The following ARFIP1 variants were observed in gnomAD, a reference collection of about 807,000 sequenced individuals.
ARFIP1 encodes the protein arfaptin-1.
A neutral mutation model predicts 42.5 loss-of-function variants in ARFIP1; 24 were observed. The ratio of observed to expected loss-of-function variants is 0.57; its 90% CI spans 0.41 to 0.80. The LOEUF (loss-of-function observed/expected upper bound fraction) is 0.80. Ranked by LOEUF, ARFIP1 falls within the 30% of genes least tolerant of loss-of-function variation. The pLI is 0.00. For synonymous variants in ARFIP1, 141 were observed against 153.7 expected (o/e 0.92, Z 0.61); for missense variants, 354 against 434.0 (o/e 0.82, Z 1.64).
At chr4:152,877,453 C>G (rs1202811347) in intron 5 of ARFIP1, among the ~76,000 whole-genome samples, 2 of 152,162 alleles carry the variant, frequency 1.3e-5, no homozygotes, top group Non-Finnish European at 2.9e-5. Flanking sequence ...AATACCTGTA[C>G]CCCCATTGTA....
chr4:152,819,709 A>C (rs1376885977), intron 1 of ARFIP1, among the ~76,000 whole-genome samples: 3 of 152,156 alleles, frequency 2.0e-5, no homozygotes, highest in Non-Finnish European at 2.9e-5. Context: ...ACTTGGGGGA[A>C]GTTTCTTTCA....
chr4:152,812,585 T>A (rs1729556155), intron 1 of ARFIP1, among the ~76,000 whole-genome samples: 1 of 152,234 alleles, frequency 6.6e-6, no homozygotes, highest in Non-Finnish European at 1.5e-5. Context: ...AGTGATGATT[T>A]CCAGGTTTAT....
chr4:152,865,536 C>T (rs1004640057), intron 3 of ARFIP1, among the ~76,000 whole-genome samples: 12 of 152,156 alleles, frequency 7.9e-5, no homozygotes, highest in African/African-American at 1.9e-4. Context: ...TGGAAATAGA[C>T]GTTTAGGATA....
At chr4:152,875,378 TAAAAAAAAA>T (rs11302481) in intron 5 of ARFIP1, among the ~76,000 whole-genome samples, 3 of 100,162 alleles carry the variant, frequency 3.0e-5, no homozygotes. Context: ...TCTTTTTTTA[TAAAAAAAAA>T]AAAAAAAAAA....
intron 7 of ARFIP1, among the ~76,000 whole-genome samples, chr4:152,884,530 A>G (rs1390167794): frequency 2.0e-5 from 3 of 151,912 alleles, no homozygotes; most frequent in Admixed American, 1.3e-4. Flanking sequence ...AAAGATGGAT[A>G]TTGTTTTCTT....
chr4:152,888,528 G>T (rs2149897343), intron 8 of ARFIP1, among the ~76,000 whole-genome samples: 1 of 152,140 alleles, frequency 6.6e-6, no homozygotes, highest in East Asian at 1.9e-4. Context: ...TATAACACAT[G>T]GCAAAAAGTA....
chr4:152,785,653 G>T (rs1730759220), intron 1 of ARFIP1, among the ~76,000 whole-genome samples: 1 of 152,168 alleles, frequency 6.6e-6, no homozygotes, highest in African/African-American at 2.4e-5. Context: ...GCAGAAAATG[G>T]AAAGGATGTT....
chr4:152,830,193 C>A (rs993720797), intron 2 of ARFIP1, among the ~76,000 whole-genome samples: 3 of 152,006 alleles, frequency 2.0e-5, no homozygotes, highest in Non-Finnish European at 2.9e-5. Flanking sequence ...GTCTCTCAGT[C>A]GAAATTTAAT....
intron 1 of ARFIP1, among the ~76,000 whole-genome samples, chr4:152,795,612 C>T (rs1184281813): frequency 6.6e-6 from 1 of 152,084 alleles, no homozygotes; most frequent in Non-Finnish European, 1.5e-5. Flanking sequence ...TACCAACACT[C>T]TCTCTAGAAT....
chr4:152,906,764 A>G (rs1245212103), intron 8 of ARFIP1, among the ~76,000 whole-genome samples: 7 of 152,158 alleles, frequency 4.6e-5, no homozygotes, highest in Non-Finnish European at 1.0e-4. Context: ...GCAACCCATT[A>G]CCTGTCTTAC....
chr4:152,865,281 C>T (rs896243273), intron 3 of ARFIP1, among the ~76,000 whole-genome samples: 7 of 151,938 alleles, frequency 4.6e-5, no homozygotes, highest in Admixed American at 3.9e-4. Context: ...GGATTACAGG[C>T]GCCTGCCACC....
intron 2 of ARFIP1, among the ~76,000 whole-genome samples, chr4:152,848,361 C>G (rs752562783): frequency 6.6e-6 from 1 of 152,126 alleles, no homozygotes; most frequent in Non-Finnish European, 1.5e-5. Flanking sequence ...AGGACGAGGA[C>G]TAGAAACCAG....
intron 2 of ARFIP1, among the ~76,000 whole-genome samples, chr4:152,846,460 C>T (rs924388766): frequency 6.6e-6 from 1 of 152,178 alleles, no homozygotes; most frequent in Non-Finnish European, 1.5e-5. Flanking sequence ...GCCATGTGCT[C>T]TCTTAACCCG....
intron 1 of ARFIP1, among the ~76,000 whole-genome samples, chr4:152,809,214 C>G (rs546161023): frequency 6.6e-6 from 1 of 152,184 alleles, no homozygotes; most frequent in Non-Finnish European, 1.5e-5. Context: ...ACTGGTTCTA[C>G]TTGGCTGCAC....
At chr4:152,897,445 T>C (rs72723699) in intron 8 of ARFIP1, among the ~76,000 whole-genome samples, 2,912 of 152,272 alleles carry the variant, frequency 0.019, 39 homozygotes, top group South Asian at 0.029. Flanking sequence ...ACTGTTCTTA[T>C]AGACTTGGTT....
At chr4:152,788,599 TGAG>T (rs1368952589) in intron 1 of ARFIP1, among the ~76,000 whole-genome samples, 1 of 152,176 alleles carries the variant, frequency 6.6e-6, no homozygotes, top group Admixed American at 6.5e-5. Context: ...GAGGATTACT[TGAG>T]CCCAGGAGGC....
intron 2 of ARFIP1, among the ~76,000 whole-genome samples, chr4:152,848,866 T>C (rs1460525159): frequency 2.6e-5 from 4 of 152,220 alleles, no homozygotes; most frequent in Non-Finnish European, 5.9e-5. Flanking sequence ...CTCCATTCTA[T>C]ATAGGAATGC....
At chr4:152,884,200 G>A (rs1736085353) in intron 7 of ARFIP1, among the ~76,000 whole-genome samples, 1 of 151,982 alleles carries the variant, frequency 6.6e-6, no homozygotes, top group African/African-American at 2.4e-5. Flanking sequence ...AACAGCTGTG[G>A]TTGTATGGAG....
intron 2 of ARFIP1, among the ~76,000 whole-genome samples, chr4:152,858,698 T>C (rs921572688): frequency 6.6e-6 from 1 of 152,162 alleles, no homozygotes; most frequent in African/African-American, 2.4e-5. Flanking sequence ...AGGTGCTGGG[T>C]ATATAGCAGT....
Sources: gnomAD v4.1 joint callset for allele counts (sites outside exome capture counted in the v4.1 genomes callset) on GRCh38, gnomAD v4.1.1 for gene constraint, MANE v1.5 for transcripts, NCBI Gene and HGNC (gene_info 2026-07-23, HGNC 2026-07-21) for gene names.